UBE2A: variants seen among roughly 807,000 people sequenced by gnomAD.
UBE2A encodes the protein ubiquitin-conjugating enzyme E2 A.
For synonymous variants in UBE2A, 39 were observed against 41.1 expected (o/e 0.95, Z 0.20); for missense variants, 27 against 125.8 (o/e 0.21, Z 3.76).
rs912704209 is a variant in UBE2A, at chrX:119,582,780, T to C, written c.330+104T>C. 1.1e-5 allele frequency: 8 copies of C among 722,022 alleles called. No individual in the cohort carries two copies. In the African/African-American group the frequency reaches 1.5e-4, roughly 14 times the overall value. 59.5% of individuals were successfully genotyped at this position (722,022 alleles called of 1,213,427 possible). ...ATGTAATAGATCTTTTTATTTTTGG[T>C]CAAAGCTTGTTTGTTTTATAGATGA... is the stretch of plus-strand genomic sequence containing the variant. On this transcript the variant is annotated intron_variant, in intron 5 of 5. Coordinates refer to ENST00000371558, the MANE Select transcript of UBE2A (RefSeq NM_003336.4).
At position 119,583,550 on chromosome X, in the gene UBE2A, T is replaced by A. The variant is rs1394689778; in HGVS notation, c.*295T>A. The A allele has an allele frequency of 3.5e-6, 1 of 288,087 alleles. No homozygotes were observed. The highest frequency in any genetic ancestry group is 2.7e-5 in the African/African-American group (1 of 36,853). The allele number at this position is 288,087 out of a possible 1,213,427, so 23.7% of individuals were successfully genotyped here. On this transcript the variant is annotated 3_prime_UTR_variant, in exon 6 of 6. Coordinates refer to ENST00000371558, the MANE Select transcript of UBE2A (RefSeq NM_003336.4). ...GGCAGTTATTTTTATTATTGTACTT[T>A]AAGCTTTTAAGATGAATTGTTATAC...
chrX:119,583,602 A>G lies in UBE2A; in HGVS notation c.*347A>G, dbSNP rs1046445985. ...AGAGGTGCTTATGCTTAGCTTGATG[A>G]CCAGGATGTTATTTTTAACAAAATG... is the stretch of plus-strand genomic sequence containing the variant. On this transcript the variant is annotated 3_prime_UTR_variant, in exon 6 of 6. Transcript: ENST00000371558. 10 of 214,134 alleles carry G rather than the reference A, an allele frequency of 4.7e-5. No homozygotes were observed. The highest frequency in any genetic ancestry group is 7.6e-5 in the Non-Finnish European group (9 of 117,745). 17.6% of individuals were successfully genotyped at this position (214,134 alleles called of 1,213,427 possible).
At chrX:119,576,864 A>G (rs972947956) in intron 3 of UBE2A, 1 of 112,203 alleles carries the variant, frequency 8.9e-6, no homozygotes, top group Non-Finnish European at 1.9e-5. Flanking sequence ...GTAGCAAAAA[A>G]CTATAGCTAG....
chrX:119,574,614 C>T lies in UBE2A; in HGVS notation c.-98C>T. 9.2e-7 allele frequency: 1 copy of T among 1,091,958 alleles called. No individual in the cohort carries two copies. The highest frequency in any genetic ancestry group is 2.6e-5 in the Admixed American group (1 of 38,889). The allele number at this position is 1,091,958 out of a possible 1,213,427, so 90.0% of individuals were successfully genotyped here. On this transcript the variant is annotated 5_prime_UTR_variant, in exon 1 of 6. Transcript: ENST00000371558. ...AGCGCGGTTCCTCTGGGTGCTTCCG[C>T]CTCCCCTTCTCCTGCTTCTCCAGCC...
At chrX:119,580,211 T>C (rs1322753251) in intron 3 of UBE2A, 2 of 112,156 alleles carry the variant, frequency 1.8e-5, no homozygotes, top group African/African-American at 3.2e-5. Flanking sequence ...TTTTATATTA[T>C]TTTGAAGCTT....
chrX:119,584,183 C>G lies in UBE2A; in HGVS notation c.*928C>G, dbSNP rs2053472760. The G allele has an allele frequency of 8.9e-6, 1 of 112,299 alleles. No homozygotes were observed. Among genetic ancestry groups the G allele is most frequent in the South Asian group, 3.6e-4 (1 of 2,756 alleles). The allele number at this position is 112,299 out of a possible 1,213,427, so 9.3% of individuals were successfully genotyped here. The stretch of plus-strand genomic sequence containing the variant: ...ATTGCTGCATGCTTTAATTTCTTCC[C>G]TTTCAGCATCTGAGAACCTTAAAGC... On this transcript the variant is annotated 3_prime_UTR_variant, in exon 6 of 6. Transcript: ENST00000371558.
chrX:119,576,791 C>T (rs2053418766), intron 3 of UBE2A, among the ~76,000 whole-genome samples: 1 of 112,288 alleles, frequency 8.9e-6, no homozygotes, highest in African/African-American at 3.2e-5. Context: ...AAAGAAATGA[C>T]AGCAGGAAAC....
chrX:119,576,102 C>T (rs1182544435), intron 3 of UBE2A, among the ~76,000 whole-genome samples: 2 of 112,039 alleles, frequency 1.8e-5, no homozygotes, highest in African/African-American at 3.3e-5. Context: ...ACTACATGTA[C>T]CAGTAGGTAC....
At chrX:119,578,100 G>A (rs948704330) in intron 3 of UBE2A, among the ~76,000 whole-genome samples, 1 of 111,601 alleles carries the variant, frequency 9.0e-6, no homozygotes, top group Admixed American at 9.6e-5. Context: ...GTTGTAAACC[G>A]TTCGTTATGG....
chrX:119,581,077 C>T (rs2053447208), intron 3 of UBE2A: 1 of 113,947 alleles, frequency 8.8e-6, no homozygotes, highest in Admixed American at 9.4e-5. Flanking sequence ...TGTATTCTGG[C>T]ATTGGTTTTT....
chrX:119,574,567 C>G lies in UBE2A; in HGVS notation c.-145C>G. 3 of 820,822 alleles carry G rather than the reference C, an allele frequency of 3.7e-6. No individual in the cohort carries two copies. The highest frequency in any genetic ancestry group is 5.3e-6 in the Non-Finnish European group (3 of 566,920). The allele number at this position is 820,822 out of a possible 1,213,427, so 67.6% of individuals were successfully genotyped here. A position where few individuals can be genotyped will look rare whatever the true frequency, so the allele number is the denominator to read the frequency against. ...GGGTGGTGCTTAGCCGGCGCCAGAC[C>G]GACCCTCGACTTCGGAGAGGCAGCG... On this transcript the variant is annotated 5_prime_UTR_variant, in exon 1 of 6. Coordinates refer to ENST00000371558, the MANE Select transcript of UBE2A (RefSeq NM_003336.4).
At chrX:119,583,056 T>C (rs761742298) in intron 5 of UBE2A, 71 bp from the exon 6 acceptor site, 452 of 1,162,068 alleles carry the variant, frequency 3.9e-4, no homozygotes, top group Non-Finnish European at 4.9e-4. Flanking sequence ...GACAATTCAA[T>C]TGAGTGTCAC....
intron 3 of UBE2A, among the ~76,000 whole-genome samples, chrX:119,576,416 T>G (rs1229922933): frequency 1.8e-5 from 2 of 111,182 alleles, no homozygotes; most frequent in African/African-American, 6.6e-5. Flanking sequence ...CTCATGAAAT[T>G]CTTTAATATT....
chrX:119,574,846 G>T, intron 1 of UBE2A, 55 bp from the exon 2 acceptor site: 1 of 1,204,917 alleles, frequency 8.3e-7, no homozygotes, highest in Non-Finnish European at 1.1e-6. Context: ...CTGGGGAGCG[G>T]CCGGGAGCGG....
intron 5 of UBE2A, 36 bp from the exon 6 acceptor site, chrX:119,583,091 A>G (rs1460289995): frequency 8.3e-7 from 1 of 1,208,722 alleles, no homozygotes; most frequent in Middle Eastern, 2.3e-4. Context: ...GTTGTTTTGC[A>G]TTAAGGAACT....
In UBE2A at chrX:119,574,574, C is replaced by G. The variant is rs1235148132; in HGVS notation, c.-138C>G. Reference sequence around the variant, plus strand: ...GCTTAGCCGGCGCCAGACCGACCCTCGACTTCGGAGAGGCAGCGCGGTTCC... The same window carrying G: ...GCTTAGCCGGCGCCAGACCGACCCTGGACTTCGGAGAGGCAGCGCGGTTCC... On this transcript the variant is annotated 5_prime_UTR_variant, in exon 1 of 6. Transcript: ENST00000371558. The G allele has an allele frequency of 1.1e-6, 1 of 879,215 alleles. No homozygotes were observed. The highest frequency in any genetic ancestry group is 2.6e-5 in the Admixed American group (1 of 38,273). 72.5% of individuals were successfully genotyped at this position (879,215 alleles called of 1,213,427 possible). A position where few individuals can be genotyped will look rare whatever the true frequency, so the allele number is the denominator to read the frequency against.
chrX:119,575,448 G>A (rs1237948573), intron 3 of UBE2A, 48 bp downstream of exon 3: 1 of 1,204,051 alleles, frequency 8.3e-7, no homozygotes, highest in Non-Finnish European at 1.1e-6. Context: ...GGTCATCTGG[G>A]GAAAGGGTTC....
Position 119,583,584 on chromosome X carries a change from C to T in UBE2A, c.*329C>T, listed in dbSNP as rs748344009. ...AAGATGAATTGTTATACAAGAGGTG[C>T]TTATGCTTAGCTTGATGACCAGGAT... On this transcript the variant is annotated 3_prime_UTR_variant, in exon 6 of 6. Transcript: ENST00000371558. 1.7e-3 allele frequency: 407 copies of T among 240,504 alleles called. No homozygotes were observed. Among genetic ancestry groups the T allele is most frequent in the Non-Finnish European group, 2.5e-3 (335 of 133,762 alleles). 19.8% of individuals were successfully genotyped at this position (240,504 alleles called of 1,213,427 possible).
At chrX:119,578,448 G>A (rs2053431941) in intron 3 of UBE2A, among the ~76,000 whole-genome samples, 1 of 111,123 alleles carries the variant, frequency 9.0e-6, no homozygotes, top group Non-Finnish European at 1.9e-5. Flanking sequence ...ATGTTTCTGA[G>A]TCATAAAATC....
Sources: gnomAD v4.1 joint callset for allele counts (sites outside exome capture counted in the v4.1 genomes callset) on GRCh38, gnomAD v4.1.1 for gene constraint, MANE v1.5 for transcripts, NCBI Gene and HGNC (gene_info 2026-07-23, HGNC 2026-07-21) for gene names.